The following CHODL variants were observed in gnomAD, a reference collection of about 807,000 sequenced individuals.
CHODL encodes transmembrane protein MT75.
In CHODL, 29 loss-of-function variants were observed where a neutral mutation model predicts 34.5. The ratio of observed to expected loss-of-function variants is 0.84; its 90% CI spans 0.63 to 1.15. The LOEUF (loss-of-function observed/expected upper bound fraction) is 1.15. Among genes scored for constraint, CHODL ranks in the 50% most tolerant of loss-of-function variants. The pLI, the probability that CHODL is intolerant of heterozygous loss-of-function variation, is 0.00. For missense variants in CHODL, 332 were observed against 332.5 expected (o/e 1.00, Z 0.01); for synonymous variants, 125 against 116.1 (o/e 1.08, Z -0.49).
chr21:17,976,270 G>GAAAAAAA (rs71318119), intron 1 of CHODL, among the ~76,000 whole-genome samples: 8 of 66,518 alleles, frequency 1.2e-4, no homozygotes, highest in Non-Finnish European at 1.9e-4. Flanking sequence ...GACCATCTCA[G>GAAAAAAA]AAAAAAAAAA....
At chr21:18,136,367 A>C (rs1486105883) in intron 2 of CHODL, among the ~76,000 whole-genome samples, 1 of 152,092 alleles carries the variant, frequency 6.6e-6, no homozygotes, top group Admixed American at 6.5e-5. Flanking sequence ...ATCATTGAGC[A>C]CCACGATAAA....
chr21:18,249,545 C>A (rs1239645366), intron 1 of CHODL, among the ~76,000 whole-genome samples: 4 of 152,072 alleles, frequency 2.6e-5, no homozygotes, highest in African/African-American at 9.7e-5. Flanking sequence ...CTTATATTAG[C>A]CACCCAATAA....
At chr21:18,129,539 G>C (rs205696) in intron 2 of CHODL, among the ~76,000 whole-genome samples, 1 of 151,940 alleles carries the variant, frequency 6.6e-6, no homozygotes, top group Non-Finnish European at 1.5e-5. Flanking sequence ...TAGACAGTGA[G>C]AGTTCTTGAG....
At chr21:17,945,083 G>C (rs2063395353) in intron 1 of CHODL, among the ~76,000 whole-genome samples, 1 of 151,870 alleles carries the variant, frequency 6.6e-6, no homozygotes, top group Non-Finnish European at 1.5e-5. Flanking sequence ...ATGGTGGCAG[G>C]TGCCTATAGT....
rs147969813 is a variant in CHODL at position 17,989,177 on chromosome 21, G to A, written c.-144-38695G>A. ...TGCTGGAAACTATATCCTGGTTCTGGATCCCTGAACAAGATATAGGCAAAG... is the reference window on the plus strand; with the variant it reads ...TGCTGGAAACTATATCCTGGTTCTGAATCCCTGAACAAGATATAGGCAAAG... On this transcript the variant is annotated intron_variant, in intron 1 of 6. Transcript: ENST00000400127. 4.7e-4 allele frequency among the ~76,000 whole-genome samples: 72 copies of A among 152,244 alleles called. 2 individuals are homozygous for A. In the East Asian group the frequency reaches 0.011, roughly 23 times the overall value.
chr21:17,964,362 C>T (rs540420368), intron 1 of CHODL, among the ~76,000 whole-genome samples: 98 of 152,318 alleles, frequency 6.4e-4, no homozygotes, highest in Middle Eastern at 3.4e-3. Flanking sequence ...CACACACACA[C>T]GCACACATGC....
chr21:18,151,750 C>G (rs2072972096), intron 2 of CHODL, among the ~76,000 whole-genome samples: 1 of 152,136 alleles, frequency 6.6e-6, no homozygotes, highest in Admixed American at 6.5e-5. Flanking sequence ...AGCTGGGGTC[C>G]ACTACAGAAG....
At chr21:17,918,157 G>A (rs934894234) in intron 1 of CHODL, among the ~76,000 whole-genome samples, 1 of 151,918 alleles carries the variant, frequency 6.6e-6, no homozygotes, top group African/African-American at 2.4e-5. Context: ...AGAAACTGGG[G>A]GTGAGGGGGG....
At chr21:18,238,936 C>G (rs75476541) in intron 2 of CHODL, among the ~76,000 whole-genome samples, 4,756 of 152,164 alleles carry the variant, frequency 0.031, 260 homozygotes, top group African/African-American at 0.11. Context: ...CTAAGACATT[C>G]ATGATAATTT....
intron 2 of CHODL, among the ~76,000 whole-genome samples, chr21:18,111,387 C>G (rs539927394): frequency 6.6e-6 from 1 of 152,290 alleles, no homozygotes; most frequent in East Asian, 1.9e-4. Flanking sequence ...CCATTTGTTA[C>G]TTACATGCCA....
intron 1 of CHODL, among the ~76,000 whole-genome samples, chr21:18,002,798 T>C (rs1353296691): frequency 1.3e-5 from 2 of 152,078 alleles, no homozygotes; most frequent in Admixed American, 6.5e-5. Context: ...CTGGTGCTTG[T>C]AGGATGGATA....
intron 2 of CHODL, among the ~76,000 whole-genome samples, chr21:18,110,571 CCAACACCTA>C (rs1171496092): frequency 6.1e-4 from 38 of 62,584 alleles, no homozygotes; most frequent in African/African-American, 1.5e-3. Flanking sequence ...CTGATACCTG[CCAACACCTA>C]CAGCTGATGT....
chr21:18,207,489 A>G (rs561154812), intron 2 of CHODL, among the ~76,000 whole-genome samples: 51 of 152,148 alleles, frequency 3.4e-4, no homozygotes, highest in Non-Finnish European at 3.7e-4. Flanking sequence ...TGATTAGTTT[A>G]CATATAACAA....
At chr21:17,986,273 G>A (rs143655461) in intron 1 of CHODL, among the ~76,000 whole-genome samples, 5,985 of 151,946 alleles carry the variant, frequency 0.039, 128 homozygotes, top group South Asian at 0.087. Context: ...CCATCAACCC[G>A]TCACCTAAAT....
At chr21:17,941,846 G>T (rs1160242801) in intron 1 of CHODL, among the ~76,000 whole-genome samples, 2 of 152,118 alleles carry the variant, frequency 1.3e-5, no homozygotes, top group African/African-American at 4.8e-5. Context: ...TTGTTGTATG[G>T]TGAGGGCCCT....
At chr21:17,977,167 T>C (rs2146369486) in intron 1 of CHODL, among the ~76,000 whole-genome samples, 1 of 152,254 alleles carries the variant, frequency 6.6e-6, no homozygotes, top group East Asian at 1.9e-4. Flanking sequence ...TCTTCCCATT[T>C]ATAGATGAGG....
chr21:18,167,700 T>C (rs2073175794), intron 2 of CHODL, among the ~76,000 whole-genome samples: 1 of 152,192 alleles, frequency 6.6e-6, no homozygotes, highest in South Asian at 2.1e-4. Flanking sequence ...ATTTTTTTCT[T>C]TTATTTTTGT....
rs2065238341 is a variant in CHODL at position 18,103,416 on chromosome 21, T to C, written c.-45+75445T>C. Among the ~76,000 whole-genome samples, 3 of 152,150 alleles carry C rather than the reference T, an allele frequency of 2.0e-5. No homozygotes were observed. The South Asian group carries it at 6.2e-4, about 31-fold the overall frequency. The stretch of plus-strand genomic sequence containing the variant: ...AACACACATTACCTAAAGGAGCCAA[T>C]CAATGTATTTCACATATTTTTGATT... On this transcript the variant is annotated intron_variant, in intron 2 of 6. Transcript: ENST00000400127.
intron 1 of CHODL, among the ~76,000 whole-genome samples, chr21:17,926,979 C>T (rs759287089): frequency 1.9e-4 from 28 of 150,314 alleles, no homozygotes; most frequent in South Asian, 4.2e-4. Flanking sequence ...AATACACAGA[C>T]ACACACACAC....
Sources: allele counts gnomAD v4.1 joint callset (sites outside exome capture counted in the v4.1 genomes callset), GRCh38; gene constraint gnomAD v4.1.1; transcripts MANE v1.5; gene names NCBI Gene and HGNC (gene_info 2026-07-23, HGNC 2026-07-21).